Variants in HMGA2 observed in about 807,000 individuals in gnomAD.
HMGA2 encodes the protein high mobility group AT-hook 2.
Under a neutral mutation model 19.1 loss-of-function variants are expected in HMGA2, and 8 were observed. That is an observed-to-expected ratio of 0.42 (90% CI 0.25 to 0.76). HMGA2 has a LOEUF of 0.76. Among genes scored for constraint, HMGA2 ranks in the 30% least tolerant of loss-of-function variants. HMGA2 has a pLI of 0.28. For synonymous variants in HMGA2, 60 were observed against 48.8 expected, an observed-to-expected ratio of 1.23 and a Z score of -0.96; for missense variants, 109 against 136.3, an observed-to-expected ratio of 0.80 and a Z score of 1.00.
chr12:65,933,189 T>C (rs1042242809), intron 3 of HMGA2, among the ~76,000 whole-genome samples: 1 of 152,120 alleles, frequency 6.6e-6, no homozygotes, highest in Non-Finnish European at 1.5e-5. Context: ...GGAGGTAGAC[T>C]AGCATAGGTT....
chr12:65,870,088 T>TATACA (rs1346721045), intron 3 of HMGA2, among the ~76,000 whole-genome samples: 1 of 152,276 alleles, frequency 6.6e-6, no homozygotes, highest in East Asian at 1.9e-4. Flanking sequence ...AACGTATGTA[T>TATACA]ATACAGGTCA....
At chr12:65,831,267 TC>T (rs1870464131) in intron 2 of HMGA2, among the ~76,000 whole-genome samples, 1 of 151,856 alleles carries the variant, frequency 6.6e-6, no homozygotes, top group Non-Finnish European at 1.5e-5. Flanking sequence ...AGTTATAATC[TC>T]CTTTAGTTTA....
intron 3 of HMGA2, chr12:65,859,778 T>C (rs1446309752): frequency 5.6e-6 from 1 of 179,590 alleles, no homozygotes; most frequent in Non-Finnish European, 1.2e-5. Flanking sequence ...AAGTTGAAAA[T>C]ATCATCAGTC....
intron 3 of HMGA2, among the ~76,000 whole-genome samples, chr12:65,840,255 T>C (rs1420955368): frequency 6.6e-6 from 1 of 152,190 alleles, no homozygotes; most frequent in Non-Finnish European, 1.5e-5. Flanking sequence ...AACTATTTTA[T>C]TATGCATATG....
At chr12:65,839,894 C>G (rs1870920919) in intron 3 of HMGA2, among the ~76,000 whole-genome samples, 1 of 152,180 alleles carries the variant, frequency 6.6e-6, no homozygotes, top group Non-Finnish European at 1.5e-5. Context: ...CTTCCGTCCA[C>G]TGTCTCTAGG....
chr12:65,915,474 TCA>T (rs1875066290), intron 3 of HMGA2: 1 of 1,237,382 alleles, frequency 8.1e-7, no homozygotes, highest in Non-Finnish European at 1.0e-6. Context: ...TTTGCAGAAA[TCA>T]CAGTGTGGCT....
intron 3 of HMGA2, chr12:65,915,559 A>G (rs145438500): frequency 9.1e-7 from 1 of 1,097,702 alleles, no homozygotes; most frequent in East Asian, 5.0e-5. Context: ...GTGCCATGTA[A>G]TATCACATGA....
Position 65,966,131 on chromosome 12 carries a change from T to C in HMGA2, c.*2839T>C, listed in dbSNP as rs1430444935. 4.7e-6 allele frequency: 1 copy of C among 211,160 alleles called. No homozygotes were observed. The highest frequency in any genetic ancestry group is 9.6e-6 in the Non-Finnish European group (1 of 103,820). 13.1% of individuals were successfully genotyped at this position (211,160 alleles called of 1,614,324 possible). A position where few individuals can be genotyped will look rare whatever the true frequency, so the allele number is the denominator to read the frequency against. ...CTTTATGTAGAATTGCTGTCTATGA[T>C]TGTACTTTGAATCGCTTGCTTGTTG... On this transcript the variant is annotated 3_prime_UTR_variant, in exon 5 of 5. Transcript: ENST00000403681.
At chr12:65,838,395 A>AC in intron 2 of HMGA2, 124 bp from the exon 3 acceptor site, 3 of 542,328 alleles carry the variant, frequency 5.5e-6, no homozygotes, top group Non-Finnish European at 2.9e-6. Flanking sequence ...AAAAAAAACA[A>AC]AAAAAAAAAA....
chr12:65,862,990 C>CT (rs755446271), intron 3 of HMGA2, among the ~76,000 whole-genome samples: 34 of 152,218 alleles, frequency 2.2e-4, no homozygotes, highest in Non-Finnish European at 4.1e-4. Flanking sequence ...TTCCCTTGCT[C>CT]TACCCACCCA....
intron 3 of HMGA2, among the ~76,000 whole-genome samples, chr12:65,917,683 G>C (rs1381930463): frequency 6.6e-6 from 1 of 152,150 alleles, no homozygotes; most frequent in Non-Finnish European, 1.5e-5. Flanking sequence ...GGGAAGGAAA[G>C]AGCAGTAAGA....
intron 3 of HMGA2, among the ~76,000 whole-genome samples, chr12:65,909,765 A>G (rs1243212238): frequency 1.3e-5 from 2 of 152,200 alleles, no homozygotes; most frequent in East Asian, 3.9e-4. Context: ...ATATAACCTC[A>G]TCTCTGTAAA....
chr12:65,893,268 C>T (rs903153173), intron 3 of HMGA2, among the ~76,000 whole-genome samples: 15 of 152,182 alleles, frequency 9.9e-5, no homozygotes, highest in East Asian at 3.9e-4. Flanking sequence ...TGTCTCCTCA[C>T]CCCAGTGTGG....
intron 2 of HMGA2, 37 bp from the exon 3 acceptor site, chr12:65,838,482 G>A: frequency 6.5e-6 from 10 of 1,541,320 alleles, no homozygotes; most frequent in Non-Finnish European, 9.0e-6. Flanking sequence ...AACAATGTCA[G>A]GTAGAAAACT....
intron 3 of HMGA2, among the ~76,000 whole-genome samples, chr12:65,900,100 T>A (rs985860277): frequency 6.6e-5 from 10 of 152,220 alleles, no homozygotes; most frequent in African/African-American, 2.4e-4. Context: ...GTAATTTACA[T>A]TACTCTTCTA....
intron 3 of HMGA2, among the ~76,000 whole-genome samples, chr12:65,928,237 A>G (rs184491697): frequency 8.0e-4 from 122 of 152,314 alleles, no homozygotes; most frequent in Non-Finnish European, 1.3e-3. Flanking sequence ...AATAGTAAGT[A>G]TTTGTGTATC....
intron 3 of HMGA2, among the ~76,000 whole-genome samples, chr12:65,924,143 C>G (rs986495692): frequency 5.9e-5 from 9 of 152,158 alleles, no homozygotes; most frequent in African/African-American, 2.2e-4. Flanking sequence ...GAAGGTCCAT[C>G]TTGTCTTGGC....
At chr12:65,868,562 G>C (rs549231827) in intron 3 of HMGA2, among the ~76,000 whole-genome samples, 5 of 152,258 alleles carry the variant, frequency 3.3e-5, no homozygotes, top group Admixed American at 6.5e-5. Flanking sequence ...CACCACCTAC[G>C]TTGAATATGG....
chr12:65,876,705 T>A (rs933699325), intron 3 of HMGA2, among the ~76,000 whole-genome samples: 9 of 152,208 alleles, frequency 5.9e-5, no homozygotes, highest in African/African-American at 1.9e-4. Context: ...TAAGAACAAA[T>A]ACTTTCACCA....
Sources: gnomAD v4.1 joint callset for allele counts (sites outside exome capture counted in the v4.1 genomes callset) on GRCh38, gnomAD v4.1.1 for gene constraint, MANE v1.5 for transcripts, NCBI Gene and HGNC (gene_info 2026-07-23, HGNC 2026-07-21) for gene names.